ADAM12: variants seen among roughly 807,000 people sequenced by gnomAD.
The protein encoded by ADAM12 is ADAM metallopeptidase domain 12.
A neutral mutation model predicts 106.4 loss-of-function variants in ADAM12; 70 were observed. The ratio of observed to expected loss-of-function variants is 0.66; its 90% CI spans 0.54 to 0.80. ADAM12 has a LOEUF of 0.80. ADAM12 is among the 30% of genes least tolerant of loss of function. ADAM12 has a pLI of 0.00. For missense variants in ADAM12, 1,010 were observed against 1,171.9 expected, an observed-to-expected ratio of 0.86 and a Z score of 2.02; for synonymous variants, 420 against 433.5, an observed-to-expected ratio of 0.97 and a Z score of 0.39.
intron 4 of ADAM12, among the ~76,000 whole-genome samples, chr10:126,142,548 C>A (rs531450449): frequency 1.5e-3 from 234 of 152,378 alleles, no homozygotes; most frequent in African/African-American, 5.3e-3. Context: ...GGTAAACCCA[C>A]AACCTTCCAG....
Position 126,043,010 on chromosome 10 carries a change from C to T in ADAM12, c.2104+30G>A. The T allele has an allele frequency of 6.2e-7, 1 of 1,606,716 alleles. No individual in the cohort carries two copies. The highest frequency in any genetic ancestry group is 8.5e-7 in the Non-Finnish European group (1 of 1,175,556). Reference sequence around the variant, plus strand: ...CACCCGCCCCCAGGTGCTCAGCCTCCTCCCACCGGGATGCAGGGGCTTCAC... The same window carrying T: ...CACCCGCCCCCAGGTGCTCAGCCTCTTCCCACCGGGATGCAGGGGCTTCAC... On this transcript the variant is annotated intron_variant, in intron 18 of 22. Coordinates refer to ENST00000448723, the MANE Select transcript of ADAM12 (RefSeq NM_001288973.2). The surrounding 1 kb of genome is among the most constrained non-coding windows in gnomAD (Gnocchi z 4.1).
At chr10:126,246,611 TA>T (rs1388872198) in intron 3 of ADAM12, among the ~76,000 whole-genome samples, 1 of 152,186 alleles carries the variant, frequency 6.6e-6, no homozygotes, top group African/African-American at 2.4e-5. Context: ...ATTCATCACA[TA>T]AACAGAACTG....
chr10:126,075,103 A>G (rs964640134), intron 11 of ADAM12, among the ~76,000 whole-genome samples: 1 of 152,204 alleles, frequency 6.6e-6, no homozygotes, highest in African/African-American at 2.4e-5. Flanking sequence ...GGGTCAGCCA[A>G]TATCGCTACC....
intron 3 of ADAM12, among the ~76,000 whole-genome samples, chr10:126,269,866 C>T (rs1264132330): frequency 6.6e-6 from 1 of 152,170 alleles, no homozygotes; most frequent in Non-Finnish European, 1.5e-5. Flanking sequence ...CCCAGAGGGG[C>T]CTGTTTTAAA....
intron 18 of ADAM12, chr10:126,042,320 C>T: frequency 6.5e-7 from 1 of 1,542,494 alleles, no homozygotes; most frequent in Non-Finnish European, 8.7e-7. Context: ...CACCAGTAAA[C>T]CATTTCTAAA....
chr10:126,241,101 A>C (rs959346533), intron 3 of ADAM12, among the ~76,000 whole-genome samples: 1 of 152,218 alleles, frequency 6.6e-6, no homozygotes, highest in African/African-American at 2.4e-5. Context: ...CCTCATGCTA[A>C]GTGAAAGGAG....
intron 4 of ADAM12, among the ~76,000 whole-genome samples, chr10:126,152,562 T>C (rs944158186): frequency 2.0e-5 from 3 of 151,916 alleles, no homozygotes; most frequent in African/African-American, 7.2e-5. Context: ...CAGCAGCTTT[T>C]TTTTTGTTTT....
chr10:126,066,647 C>A lies in ADAM12; in HGVS notation c.1413+70G>T. 6.9e-7 allele frequency: 1 copy of A among 1,458,164 alleles called. No individual in the cohort carries two copies. 90.3% of individuals were successfully genotyped at this position (1,458,164 alleles called of 1,614,324 possible). ...GAAACCTTCCAGCCACACTGCTTGC[C>A]CTGCATCAGATCTGAACCACCTGAA... On this transcript the variant is annotated intron_variant, in intron 13 of 22. Coordinates refer to ENST00000448723, the MANE Select transcript of ADAM12 (RefSeq NM_001288973.2). The surrounding 1 kb of genome is among the most constrained non-coding windows in gnomAD (Gnocchi z 5.1).
intron 8 of ADAM12, among the ~76,000 whole-genome samples, chr10:126,106,643 G>A (rs74527157): frequency 2.6e-5 from 4 of 151,934 alleles, no homozygotes; most frequent in South Asian, 4.2e-4. Context: ...ATGCCACCAC[G>A]CCCAGCTAGT....
intron 1 of ADAM12, among the ~76,000 whole-genome samples, chr10:126,387,180 C>T (rs2133944760): frequency 6.6e-6 from 1 of 152,292 alleles, no homozygotes; most frequent in Non-Finnish European, 1.5e-5. Flanking sequence ...CCCCGGGCGG[C>T]AGAAAGAAGG....
At chr10:126,308,982 T>C (rs1383092061) in intron 2 of ADAM12, among the ~76,000 whole-genome samples, 1 of 152,202 alleles carries the variant, frequency 6.6e-6, no homozygotes, top group Non-Finnish European at 1.5e-5. Context: ...TTTTGCCTGC[T>C]TGCCTTCTAT....
At chr10:126,236,843 C>T (rs926450459) in intron 3 of ADAM12, among the ~76,000 whole-genome samples, 1 of 152,154 alleles carries the variant, frequency 6.6e-6, no homozygotes, top group Non-Finnish European at 1.5e-5. Context: ...GGGGACAGCA[C>T]CCCCAAAGCC....
At chr10:126,354,955 G>T (rs1318549178) in intron 1 of ADAM12, among the ~76,000 whole-genome samples, 9 of 152,090 alleles carry the variant, frequency 5.9e-5, no homozygotes, top group Non-Finnish European at 1.3e-4. Context: ...GGAATTCATA[G>T]TTCACAGAAA....
At chr10:126,270,662 C>A (rs550870816) in intron 3 of ADAM12, among the ~76,000 whole-genome samples, 2 of 152,166 alleles carry the variant, frequency 1.3e-5, no homozygotes, top group Non-Finnish European at 2.9e-5. Flanking sequence ...ATAGCGGTGG[C>A]GCCAGGCATT....
chr10:126,279,499 G>T (rs1959451965), intron 2 of ADAM12, among the ~76,000 whole-genome samples: 4 of 147,350 alleles, frequency 2.7e-5, no homozygotes, highest in Admixed American at 2.0e-4. Flanking sequence ...TGGGGTGGGG[G>T]TGGATCACCT....
chr10:126,258,918 C>G (rs753009908), intron 3 of ADAM12, among the ~76,000 whole-genome samples: 2 of 152,198 alleles, frequency 1.3e-5, no homozygotes, highest in Non-Finnish European at 2.9e-5. Flanking sequence ...GCTCCACTAG[C>G]CTGCAAGCTC....
chr10:126,356,152 T>A (rs1293024725), intron 1 of ADAM12, among the ~76,000 whole-genome samples: 1 of 152,186 alleles, frequency 6.6e-6, no homozygotes, highest in Non-Finnish European at 1.5e-5. Context: ...AAGCACCAGA[T>A]AATCCCATCC....
intron 6 of ADAM12, among the ~76,000 whole-genome samples, chr10:126,117,683 C>T (rs1956008770): frequency 7.0e-6 from 1 of 142,988 alleles, no homozygotes; most frequent in African/African-American, 2.7e-5. Context: ...CATGGTGGCG[C>T]CCAACCCTGG....
At chr10:126,080,416 G>A (rs1955189211) in intron 11 of ADAM12, among the ~76,000 whole-genome samples, 1 of 152,176 alleles carries the variant, frequency 6.6e-6, no homozygotes, top group African/African-American at 2.4e-5. Flanking sequence ...CTATAGCAGT[G>A]AGAGACTGGT....
Sources: gnomAD v4.1 joint callset for allele counts (sites outside exome capture counted in the v4.1 genomes callset) on GRCh38, gnomAD v4.1.1 for gene constraint, Gnocchi (gnomAD v3.1) non-coding constraint, MANE v1.5 for transcripts, NCBI Gene and HGNC (gene_info 2026-07-23, HGNC 2026-07-21) for gene names.